The following TAF5L variants were observed in gnomAD, a reference collection of about 807,000 sequenced individuals.
TAF5L encodes TATA-box binding protein associated factor 5 like.
TAF5L carries 7 observed loss-of-function variants against 51.3 expected under a neutral mutation model. The ratio of observed to expected loss-of-function variants is 0.14; its 90% CI spans 0.08 to 0.26. The LOEUF is 0.26. Among genes scored for constraint, TAF5L ranks in the 10% least tolerant of loss-of-function variants. TAF5L has a pLI of 1.00. For missense variants in TAF5L, 575 were observed against 758.9 expected (o/e 0.76, Z 2.85); for synonymous variants, 291 against 308.1 (o/e 0.94, Z 0.58).
chr1:229,625,075 CAA>C lies in TAF5L; in HGVS notation c.-4+808_-4+809del, dbSNP rs908341508. Among the ~76,000 whole-genome samples the C allele has an allele frequency of 6.6e-6, 1 of 152,222 alleles. No individual in the cohort carries two copies. The highest frequency in any genetic ancestry group is 2.4e-5 in the African/African-American group (1 of 41,448). Reference sequence around the variant, plus strand: ...CACTTACCTTCTGATCCCAGAACCACAAAGACTGCGAGATCCGCATTACAACG... The same window carrying C: ...CACTTACCTTCTGATCCCAGAACCACAGACTGCGAGATCCGCATTACAACG... On this transcript the variant is annotated intron_variant, in intron 1 of 4. Transcript: ENST00000258281. The surrounding 1 kb of genome is among the most constrained non-coding windows in gnomAD (Gnocchi z 4.0).
chr1:229,595,199 T>C, intron 4 of TAF5L, 105 bp from the exon 5 acceptor site: 2 of 1,222,094 alleles, frequency 1.6e-6, no homozygotes, highest in South Asian at 1.5e-5. Context: ...GAACTGAGAC[T>C]GCTTGGGAAA....
At chr1:229,600,492 A>G (rs1410193844) in intron 4 of TAF5L, 1 of 985,298 alleles carries the variant, frequency 1.0e-6, no homozygotes, top group Non-Finnish European at 1.2e-6. Context: ...GTCACCCTTG[A>G]TGCTTGCTCT....
At chr1:229,595,762 G>T (rs12058600) in intron 4 of TAF5L, among the ~76,000 whole-genome samples, 80,989 of 151,748 alleles carry the variant, frequency 0.53, 21,834 homozygotes, top group East Asian at 0.77. Context: ...GACTCCTGGG[G>T]TCAAGCGATT....
chr1:229,599,261 G>A, intron 4 of TAF5L: 1 of 894,704 alleles, frequency 1.1e-6, no homozygotes, highest in Non-Finnish European at 1.3e-6. Flanking sequence ...GAAGATTTTG[G>A]TTACTGTTAT....
Position 229,607,024 on chromosome 1 carries a change from T to G in TAF5L, c.247+3082A>C, listed in dbSNP as rs137861047. Reference sequence around the variant, plus strand: ...GCTACATGTTCTTTATTACAAGTCTTTATCTTTCTCCTAAATCCTAGCCTC... The same window carrying G: ...GCTACATGTTCTTTATTACAAGTCTGTATCTTTCTCCTAAATCCTAGCCTC... On this transcript the variant is annotated intron_variant, in intron 3 of 4. Coordinates refer to ENST00000258281, the Ensembl canonical transcript of TAF5L. The G allele has an allele frequency of 1.5e-3, 1,511 of 985,450 alleles. 20 individuals carry two copies. The African/African-American group carries it at 0.024, about 16-fold the overall frequency. 61.0% of individuals were successfully genotyped at this position (985,450 alleles called of 1,614,324 possible). A position where few individuals can be genotyped will look rare whatever the true frequency, so the allele number is the denominator to read the frequency against.
At chr1:229,621,746 TATTA>T (rs1314077796) in intron 1 of TAF5L, among the ~76,000 whole-genome samples, 1 of 152,250 alleles carries the variant, frequency 6.6e-6, no homozygotes, top group Non-Finnish European at 1.5e-5. Context: ...CTATAATCTC[TATTA>T]ATTTACACAT....
Position 229,602,888 on chromosome 1 carries a change from C to T in TAF5L, c.279G>A (p.Met93Ile), listed in dbSNP as rs751357418. The change falls in exon 4 of 5, where the codon ATG (methionine) becomes ATA (isoleucine). Residue 93 changes from methionine (M) to isoleucine (I), a missense_variant. Physicochemically the swap from Met to Ile is conservative, Grantham distance 10 (BLOSUM62 1). Transcript: ENST00000258281. The surrounding 1 kb of genome is among the most constrained non-coding windows in gnomAD (Gnocchi z 4.6). Reference sequence around the variant, plus strand: ...AGACAAAGAGAGGATAGAGGAGAGGCATCACTTCGTGGCTATGCTGGGAAT... The same window carrying T: ...AGACAAAGAGAGGATAGAGGAGAGGTATCACTTCGTGGCTATGCTGGGAAT... 2.5e-6 allele frequency: 4 copies of T among 1,604,170 alleles called. No homozygotes were observed. The highest frequency in any genetic ancestry group is 3.4e-6 in the Non-Finnish European group (4 of 1,179,060).
intron 4 of TAF5L, chr1:229,600,914 A>G (rs973217510): frequency 4.1e-6 from 4 of 981,634 alleles, no homozygotes; most frequent in Non-Finnish European, 4.8e-6. Flanking sequence ...GGTCAGTGTA[A>G]TTTTTTTTTG....
At chr1:229,609,075 G>C (rs1664701561) in intron 3 of TAF5L, among the ~76,000 whole-genome samples, 3 of 152,190 alleles carry the variant, frequency 2.0e-5, no homozygotes, top group Admixed American at 6.5e-5. Context: ...CTGTATTTAT[G>C]TTAAGTGCTG....
intron 3 of TAF5L, chr1:229,606,202 A>C (rs1664590903): frequency 2.0e-6 from 2 of 984,648 alleles, no homozygotes; most frequent in Non-Finnish European, 2.4e-6. Flanking sequence ...TGCTGGGTAT[A>C]AAACAAAAAA....
chr1:229,606,013 A>G (rs1664584902), intron 3 of TAF5L: 1 of 518,168 alleles, frequency 1.9e-6, no homozygotes, highest in Non-Finnish European at 2.5e-6. Context: ...ATTCCTTAGA[A>G]ACAAAATTTC....
At chr1:229,612,841 C>A (rs75799014) in intron 2 of TAF5L, among the ~76,000 whole-genome samples, 1 of 152,104 alleles carries the variant, frequency 6.6e-6, no homozygotes, top group Admixed American at 6.5e-5. Context: ...TGGAAGATCA[C>A]AGAAAGCCCA....
At position 229,594,240 on chromosome 1, in the gene TAF5L, G is replaced by C; in HGVS notation, c.*57C>G. The C allele has an allele frequency of 6.6e-7, 1 of 1,523,294 alleles. No individual in the cohort carries two copies. Among genetic ancestry groups the C allele is most frequent in the Non-Finnish European group, 8.9e-7 (1 of 1,123,748 alleles). The allele number at this position is 1,523,294 out of a possible 1,614,324, so 94.4% of individuals were successfully genotyped here. A position where few individuals can be genotyped will look rare whatever the true frequency, so the allele number is the denominator to read the frequency against. The stretch of plus-strand genomic sequence containing the variant: ...ATGATTCAATCTCAGCTCATTGAAG[G>C]ATTGCAACTGGAGGCTTTCCACTGT... On this transcript the variant is annotated 3_prime_UTR_variant, in exon 5 of 5. Transcript: ENST00000258281. The surrounding 1 kb of genome is among the most constrained non-coding windows in gnomAD (Gnocchi z 7.9).
chr1:229,612,695 T>C (rs186708696), intron 2 of TAF5L, among the ~76,000 whole-genome samples: 42 of 152,326 alleles, frequency 2.8e-4, no homozygotes, highest in Non-Finnish European at 1.0e-4. Context: ...GTTACTGTCC[T>C]AGCACTCTCT....
At chr1:229,606,095 G>A (rs1664587901) in intron 3 of TAF5L, 3 of 973,228 alleles carry the variant, frequency 3.1e-6, no homozygotes, top group Non-Finnish European at 3.7e-6. Context: ...TCAAGAAATA[G>A]TGATGTACTA....
intron 3 of TAF5L, among the ~76,000 whole-genome samples, chr1:229,605,612 AT>A (rs71173751): frequency 1.5e-4 from 22 of 149,938 alleles, no homozygotes; most frequent in Non-Finnish European, 1.9e-4. Context: ...CTGTGAAGGT[AT>A]TTTTTTTTTT....
At chr1:229,617,837 C>T (rs1368399821) in intron 1 of TAF5L, among the ~76,000 whole-genome samples, 1 of 152,124 alleles carries the variant, frequency 6.6e-6, no homozygotes, top group Admixed American at 6.5e-5. Flanking sequence ...TTAGCTGCCC[C>T]AAATAGCAAT....
intron 3 of TAF5L, among the ~76,000 whole-genome samples, chr1:229,603,639 T>C (rs1664473313): frequency 6.6e-6 from 1 of 152,246 alleles, no homozygotes; most frequent in Non-Finnish European, 1.5e-5. Context: ...TTTGCAGTGA[T>C]AATTTACAAA....
chr1:229,601,688 A>C (rs1287972106), intron 4 of TAF5L: 48 of 991,962 alleles, frequency 4.8e-5, no homozygotes, highest in Non-Finnish European at 5.4e-5. Context: ...TCAGAAAGCC[A>C]ATACCATCCA....
Sources: allele counts gnomAD v4.1 joint callset (sites outside exome capture counted in the v4.1 genomes callset), GRCh38; gene constraint gnomAD v4.1.1; non-coding constraint Gnocchi (gnomAD v3.1); transcripts MANE v1.5; gene names NCBI Gene and HGNC (gene_info 2026-07-23, HGNC 2026-07-21).